CELF2: variants seen among roughly 807,000 people sequenced by gnomAD.
CELF2 encodes the protein CUG triplet repeat RNA-binding protein 2.
A neutral mutation model predicts 62.6 loss-of-function variants in CELF2; 8 were observed. That is an observed-to-expected ratio of 0.13 (90% confidence interval 0.07 to 0.23). The LOEUF (loss-of-function observed/expected upper bound fraction) is 0.23, where lower values mean the gene tolerates loss of function less well. Among genes scored for constraint, CELF2 ranks in the 10% least tolerant of loss-of-function variants. The pLI, the probability that CELF2 is intolerant of heterozygous loss-of-function variation, is 1.00. For synonymous variants in CELF2, 258 were observed against 250.0 expected (o/e 1.03, Z -0.30); for missense variants, 333 against 671.0 (o/e 0.50, Z 5.56).
intron 1 of CELF2, among the ~76,000 whole-genome samples, chr10:11,068,806 C>T (rs572768200): frequency 8.5e-5 from 13 of 152,266 alleles, no homozygotes; most frequent in South Asian, 6.2e-4. Context: ...GTGATCCACC[C>T]GCCTCAGCTT....
At chr10:10,621,375 C>CT in the CELF2 span, among the ~76,000 whole-genome samples, 3 of 151,638 alleles carry the variant, frequency 2.0e-5, no homozygotes, top group Admixed American at 6.6e-5. Flanking sequence ...GTTCATGAAG[C>CT]TTTTTTTTGA....
chr10:10,528,720 C>A, the CELF2 span, among the ~76,000 whole-genome samples: 2 of 152,288 alleles, frequency 1.3e-5, no homozygotes, highest in African/African-American at 4.8e-5. Context: ...TCTTTAAGAT[C>A]TTTTATCACC....
intron 1 of CELF2, among the ~76,000 whole-genome samples, chr10:11,148,196 G>A (rs562924702): frequency 5.4e-4 from 82 of 152,144 alleles, no homozygotes; most frequent in Non-Finnish European, 1.1e-3. Flanking sequence ...TATTTCAGCC[G>A]TACTAATATT....
At chr10:11,133,551 C>G (rs531099852) in intron 1 of CELF2, among the ~76,000 whole-genome samples, 1 of 152,258 alleles carries the variant, frequency 6.6e-6, no homozygotes, top group East Asian at 1.9e-4. Context: ...GAATGTGTTA[C>G]TAATGTCAGA....
At chr10:10,471,942 T>A in the CELF2 span, among the ~76,000 whole-genome samples, 1 of 151,872 alleles carries the variant, frequency 6.6e-6, no homozygotes, top group African/African-American at 2.4e-5. Context: ...CCAGGCTCCA[T>A]AATTTCTTAG....
the CELF2 span, among the ~76,000 whole-genome samples, chr10:10,537,202 C>A: frequency 6.6e-6 from 1 of 152,154 alleles, no homozygotes; most frequent in Non-Finnish European, 1.5e-5. Flanking sequence ...TGAGACTTAG[C>A]TCTTAACCAA....
rs1281527829 is a variant in CELF2 at position 11,314,065 on chromosome 10, C to T, written c.977-74C>T. 1 of 1,457,840 alleles carries T rather than the reference C, an allele frequency of 6.9e-7. No individual in the cohort carries two copies. Among genetic ancestry groups the T allele is most frequent in the Non-Finnish European group, 9.5e-7 (1 of 1,057,064 alleles). The allele number at this position is 1,457,840 out of a possible 1,614,324, so 90.3% of individuals were successfully genotyped here. Reference sequence around the variant, plus strand: ...TCAGCTCCGTCCACTGAGATGATGACAGAAGGATTTCCAGTCTCGGCTCTC... The same window carrying T: ...TCAGCTCCGTCCACTGAGATGATGATAGAAGGATTTCCAGTCTCGGCTCTC... On this transcript the variant is annotated intron_variant, in intron 9 of 12. Transcript: ENST00000633077. The surrounding 1 kb of genome is among the most constrained non-coding windows in gnomAD (Gnocchi z 5.3).
chr10:10,826,930 T>G (rs2057437396), intron 1 of CELF2, among the ~76,000 whole-genome samples: 1 of 152,210 alleles, frequency 6.6e-6, no homozygotes, highest in Non-Finnish European at 1.5e-5. Context: ...GGCCGTGAAC[T>G]GTGCACAGAG....
the CELF2 span, among the ~76,000 whole-genome samples, chr10:10,591,840 G>T: frequency 6.6e-6 from 1 of 152,192 alleles, no homozygotes; most frequent in African/African-American, 2.4e-5. Context: ...AGTCTCTCCT[G>T]CACTCAGTGT....
chr10:11,200,509 G>C (rs2058981959), intron 2 of CELF2, among the ~76,000 whole-genome samples: 1 of 152,204 alleles, frequency 6.6e-6, no homozygotes, highest in Non-Finnish European at 1.5e-5. Flanking sequence ...TGAATACCTG[G>C]AAAGCATTTT....
intron 2 of CELF2, among the ~76,000 whole-genome samples, chr10:11,209,963 C>T (rs961054768): frequency 6.6e-6 from 1 of 152,112 alleles, no homozygotes; most frequent in South Asian, 2.1e-4. Context: ...GAAGCAGGCA[C>T]CTGCTTTGCT....
chr10:11,170,047 A>G (rs1485268448), intron 2 of CELF2, among the ~76,000 whole-genome samples: 1 of 152,204 alleles, frequency 6.6e-6, no homozygotes, highest in African/African-American at 2.4e-5. Flanking sequence ...GGGAAAGGAA[A>G]TGCATGGATG....
the CELF2 span, among the ~76,000 whole-genome samples, chr10:10,681,068 A>G: frequency 3.9e-5 from 6 of 152,164 alleles, no homozygotes; most frequent in Non-Finnish European, 7.4e-5. Context: ...TGAATTAATG[A>G]TCTAGATATT....
At chr10:10,555,359 T>C in the CELF2 span, among the ~76,000 whole-genome samples, 14 of 152,046 alleles carry the variant, frequency 9.2e-5, no homozygotes, top group Non-Finnish European at 1.6e-4. Context: ...GTGATGGCTG[T>C]TCAGTCTCCG....
chr10:10,855,077 C>T (rs2059625716), intron 1 of CELF2, among the ~76,000 whole-genome samples: 1 of 152,216 alleles, frequency 6.6e-6, no homozygotes, highest in African/African-American at 2.4e-5. Context: ...CCACCAGCCT[C>T]TCTCTGGTTC....
At chr10:11,253,629 G>A (rs574235466) in intron 4 of CELF2, among the ~76,000 whole-genome samples, 13 of 152,244 alleles carry the variant, frequency 8.5e-5, no homozygotes, top group South Asian at 6.2e-4. Context: ...TTGTACACGC[G>A]GGTGTTAGCG....
intron 2 of CELF2, among the ~76,000 whole-genome samples, chr10:10,984,880 A>G (rs2052554578): frequency 6.6e-6 from 1 of 152,182 alleles, no homozygotes; most frequent in Non-Finnish European, 1.5e-5. Flanking sequence ...ACAGAGCACA[A>G]AATGTTTCTT....
rs1325485668 is a variant in CELF2 at position 10,856,173 on chromosome 10, G to A, written c.53+57356G>A. Among the ~76,000 whole-genome samples, 7 of 152,224 alleles carry A rather than the reference G, an allele frequency of 4.6e-5. No individual in the cohort carries two copies. The East Asian group carries it at 1.4e-3, about 29-fold the overall frequency. ...GGTATTTCAGTGACAACTGTGGCTG[G>A]CATATTAACTATATTTTACTTTAAT... is the stretch of plus-strand genomic sequence containing the variant. On this transcript the variant is annotated intron_variant, in intron 1 of 13. Transcript: ENST00000636488.
chr10:10,722,335 TA>T, the CELF2 span, among the ~76,000 whole-genome samples: 84 of 150,332 alleles, frequency 5.6e-4, no homozygotes, highest in African/African-American at 1.9e-3. Context: ...ATAAAAAACT[TA>T]AAAAAAAACG....
Sources: gnomAD v4.1 joint callset for allele counts (sites outside exome capture counted in the v4.1 genomes callset) on GRCh38, gnomAD v4.1.1 for gene constraint, Gnocchi (gnomAD v3.1) non-coding constraint, MANE v1.5 for transcripts, NCBI Gene and HGNC (gene_info 2026-07-23, HGNC 2026-07-21) for gene names.